Variants in CADM3 observed in about 807,000 individuals in gnomAD.
CADM3 encodes cell adhesion molecule 3.
CADM3 carries 11 observed loss-of-function variants against 44.9 expected under a neutral mutation model. The ratio of observed to expected loss-of-function variants is 0.25; its 90% CI spans 0.15 to 0.41. The LOEUF (loss-of-function observed/expected upper bound fraction) is 0.41, where lower values mean the gene tolerates loss of function less well. Ranked by LOEUF, CADM3 falls within the 10% of genes least tolerant of loss-of-function variation. The pLI, the probability that CADM3 is intolerant of heterozygous loss-of-function variation, is 1.00. For missense variants in CADM3, 426 were observed against 512.0 expected (o/e 0.83, Z 1.62); for synonymous variants, 207 against 205.2 (o/e 1.01, Z -0.08).
rs541491427 is a variant in CADM3, at chr1:159,181,449, GC to G, written c.88+9598del. Among the ~76,000 whole-genome samples, 51 of 152,240 alleles carry G rather than the reference GC, an allele frequency of 3.3e-4. 1 individual carries two copies. Among genetic ancestry groups the G allele is most frequent in the Middle Eastern group, 6.8e-3 (2 of 294 alleles). On this transcript the variant is annotated intron_variant, in intron 1 of 8. Coordinates refer to ENST00000368125, the MANE Select transcript of CADM3 (RefSeq NM_001127173.3). ...GGCTGTTATCATCCTGTCTTCAGGG[GC>G]CTACTCCAAAACAACTGAAGACAGT...
At position 159,171,681 on chromosome 1, in the gene CADM3, C is replaced by A; in HGVS notation, c.-85C>A. ...GGCTCGGGGGCGCCCTTTCGGTCAA[C>A]ATCGTAGTCCACCCCCTCCCCATCC... On this transcript the variant is annotated 5_prime_UTR_variant, in exon 1 of 9. Coordinates refer to ENST00000368125, the MANE Select transcript of CADM3 (RefSeq NM_001127173.3). 9.5e-7 allele frequency: 1 copy of A among 1,053,406 alleles called. No individual in the cohort carries two copies. The highest frequency in any genetic ancestry group is 1.2e-6 in the Non-Finnish European group (1 of 825,636). 65.3% of individuals were successfully genotyped at this position (1,053,406 alleles called of 1,614,324 possible). A position where few individuals can be genotyped will look rare whatever the true frequency, so the allele number is the denominator to read the frequency against.
chr1:159,200,657 G>A (rs949734270), intron 8 of CADM3, 147 bp from the exon 9 acceptor site: 4 of 564,298 alleles, frequency 7.1e-6, no homozygotes, highest in South Asian at 2.7e-5. Context: ...AGCAAAATGC[G>A]AATTAGGTAA....
intron 7 of CADM3, 98 bp downstream of exon 7, chr1:159,197,158 C>A: frequency 1.5e-6 from 2 of 1,332,120 alleles, no homozygotes; most frequent in Non-Finnish European, 2.1e-6. Context: ...CAAACTGTGA[C>A]GGGGAGTGGA....
chr1:159,195,768 C>T (rs2102130241), intron 5 of CADM3: 1 of 152,474 alleles, frequency 6.6e-6, no homozygotes, highest in African/African-American at 2.4e-5. Flanking sequence ...ACCTAGCCTC[C>T]TAAGCAGCCC....
At chr1:159,182,710 T>A (rs529334628) in intron 1 of CADM3, among the ~76,000 whole-genome samples, 8 of 152,144 alleles carry the variant, frequency 5.3e-5, no homozygotes, top group Non-Finnish European at 1.2e-4. Flanking sequence ...TTCTGTAAAA[T>A]CAAAAGGATC....
rs564244290 is a variant in CADM3, at chr1:159,203,180, G to A, written c.*2258G>A. The A allele has an allele frequency of 5.0e-4, 77 of 152,782 alleles. 1 individual carries two copies. The highest frequency in any genetic ancestry group is 1.8e-3 in the African/African-American group (74 of 41,554). The allele number at this position is 152,782 out of a possible 1,614,324, so 9.5% of individuals were successfully genotyped here. On this transcript the variant is annotated 3_prime_UTR_variant, in exon 9 of 9. Transcript: ENST00000368125. ...CCTTTCTGGTCCTCTTGCTGCTGCT[G>A]GGATGTGTGTATGTGAGGGTCTTCT... is the stretch of plus-strand genomic sequence containing the variant.
chr1:159,194,615 A>C (rs982894286), intron 5 of CADM3: 9 of 152,350 alleles, frequency 5.9e-5, no homozygotes, highest in Admixed American at 3.3e-4. Context: ...ACAATTTATG[A>C]TTTCAAGAAA....
At chr1:159,196,624 A>G (rs2102132214) in intron 6 of CADM3, 170 bp downstream of exon 6, 1 of 662,040 alleles carries the variant, frequency 1.5e-6, no homozygotes, top group Non-Finnish European at 2.6e-6. Context: ...AGCAGCACAA[A>G]TGGGAAGGGG....
intron 7 of CADM3, among the ~76,000 whole-genome samples, chr1:159,199,345 A>AGAGGAAAG (rs1255959902): frequency 6.7e-6 from 1 of 149,540 alleles, no homozygotes; most frequent in Non-Finnish European, 1.5e-5. Context: ...GCAGGAGGAG[A>AGAGGAAAG]GAGGAAAGAA....
chr1:159,188,150 G>A (rs1311011654), intron 1 of CADM3, among the ~76,000 whole-genome samples: 1 of 151,916 alleles, frequency 6.6e-6, no homozygotes, highest in Non-Finnish European at 1.5e-5. Context: ...GTGCCTCCAT[G>A]GAGGCCAGGG....
At chr1:159,189,615 G>T (rs778652742) in intron 1 of CADM3, among the ~76,000 whole-genome samples, 2 of 152,046 alleles carry the variant, frequency 1.3e-5, no homozygotes, top group African/African-American at 4.8e-5. Context: ...AGTTAATTTC[G>T]CCCCTTGGTA....
intron 1 of CADM3, among the ~76,000 whole-genome samples, chr1:159,188,612 T>C (rs1339831252): frequency 6.6e-6 from 1 of 152,134 alleles, no homozygotes; most frequent in African/African-American, 2.4e-5. Flanking sequence ...CAGCAGCGGA[T>C]GAGCTCACTG....
intron 1 of CADM3, among the ~76,000 whole-genome samples, chr1:159,188,217 T>G (rs1649495765): frequency 6.6e-6 from 1 of 151,926 alleles, no homozygotes; most frequent in South Asian, 2.1e-4. Flanking sequence ...TAACGCTGCC[T>G]GCTTCCTGCC....
chr1:159,192,709 A>G lies in CADM3; in HGVS notation c.361A>G (p.Lys121Glu). ...CTTCACTATGCCTGTGCGAACTGCC[A>G]AGTCCCTCGTCACTGTGCTAGGTGA... is the stretch of plus-strand genomic sequence containing the variant. ...SIFTMPVRTA[K>E]SLVTVLGIPQ... The change falls in exon 3 of 9, where the codon AAG becomes GAG. Residue 121 changes from lysine to glutamate, a missense_variant. Physicochemically the swap from Lys to Glu is moderately conservative, Grantham distance 56. This residue lies in a region of CADM3 where 362 missense variants were observed against 474.6 expected (regional missense o/e 0.76). Transcript: ENST00000368125. The G allele has an allele frequency of 6.2e-7, 1 of 1,613,756 alleles. No individual in the cohort carries two copies. The highest frequency in any genetic ancestry group is 8.5e-7 in the Non-Finnish European group (1 of 1,179,908).
chr1:159,199,950 AAGC>A, intron 8 of CADM3, 74 bp downstream of exon 8: 1 of 1,558,146 alleles, frequency 6.4e-7, no homozygotes, highest in Non-Finnish European at 8.7e-7. Context: ...GCACGAGGAG[AAGC>A]AGACAGTGGA....
chr1:159,199,275 A>G (rs1342992203), intron 7 of CADM3, among the ~76,000 whole-genome samples: 3 of 151,898 alleles, frequency 2.0e-5, no homozygotes, highest in Non-Finnish European at 4.4e-5. Flanking sequence ...CAGAGAAGGA[A>G]CACTCTGATA....
rs780996013 is a variant in CADM3, at chr1:159,200,948, C to G, written c.*26C>G. 116 of 1,548,690 alleles carry G rather than the reference C, an allele frequency of 7.5e-5. No homozygotes were observed. Among genetic ancestry groups the G allele is most frequent in the Admixed American group, 1.8e-4 (10 of 54,464 alleles). On this transcript the variant is annotated 3_prime_UTR_variant, in exon 9 of 9. Transcript: ENST00000368125. The stretch of plus-strand genomic sequence containing the variant: ...AGGCGCCTGCCCACTTCCTGCGCCC[C>G]CCAGGGGCCCTGTGGGGACTGCTGG...
At chr1:159,177,866 T>C (rs1394624871) in intron 1 of CADM3, among the ~76,000 whole-genome samples, 1 of 152,192 alleles carries the variant, frequency 6.6e-6, no homozygotes, top group Non-Finnish European at 1.5e-5. Flanking sequence ...AAAATACAAC[T>C]ATATATAGTT....
In CADM3 at chr1:159,199,663, C is replaced by T. The variant is rs149020785; in HGVS notation, c.953-88C>T. The T allele has an allele frequency of 2.8e-3, 4,340 of 1,563,256 alleles. 11 individuals are homozygous for T. The highest frequency in any genetic ancestry group is 5.7e-3 in the Middle Eastern group (34 of 5,936). On this transcript the variant is annotated intron_variant, in intron 7 of 8. Coordinates refer to ENST00000368125, the MANE Select transcript of CADM3 (RefSeq NM_001127173.3). ...TCCTGATGTTAGTACCTGTTCCCTG[C>T]TGTGTAAGACTATTCATGGCCAAGT... is the stretch of plus-strand genomic sequence containing the variant.
Sources: gnomAD v4.1 joint callset for allele counts (sites outside exome capture counted in the v4.1 genomes callset) on GRCh38, gnomAD v4.1.1 for gene constraint, gnomAD v4.1.1 regional missense constraint, MANE v1.5 for transcripts, NCBI Gene and HGNC (gene_info 2026-07-23, HGNC 2026-07-21) for gene names.